Variants in CA12 observed in about 807,000 individuals in gnomAD.
CA12 encodes the protein carbonic anhydrase 12.
CA12 carries 36 observed loss-of-function variants against 46.8 expected under a neutral mutation model. The observed-to-expected ratio is 0.77, with a 90% confidence interval of 0.59 to 1.02. The LOEUF is 1.02. Ranked by LOEUF, CA12 falls within the 50% of genes least tolerant of loss-of-function variation. The pLI, the probability that CA12 is intolerant of heterozygous loss-of-function variation, is 0.00. For synonymous variants in CA12, 202 were observed against 187.0 expected, an observed-to-expected ratio of 1.08 and a Z score of -0.65; for missense variants, 436 against 451.4, an observed-to-expected ratio of 0.97 and a Z score of 0.31.
At chr15:63,335,934 T>C (rs544008726) in intron 8 of CA12, among the ~76,000 whole-genome samples, 17 of 152,324 alleles carry the variant, frequency 1.1e-4, no homozygotes, top group Admixed American at 4.6e-4. Context: ...GCCTCCTCAT[T>C]GCTCCTTGGG....
chr15:63,353,633 G>A (rs916276453), intron 2 of CA12, among the ~76,000 whole-genome samples: 6 of 152,178 alleles, frequency 3.9e-5, no homozygotes, highest in Admixed American at 2.0e-4. Flanking sequence ...TAAGCCACAG[G>A]ACTCAGAGGG....
rs186611808 is a variant in CA12, at chr15:63,324,924, C to G, written c.*1361G>C. On this transcript the variant is annotated 3_prime_UTR_variant, in exon 11 of 11. Transcript: ENST00000178638. ...GAATCAGAAAGTTCTCGGGGAACTG[C>G]AAGGTGCTCTCAACTAGGGGTCGGT... 1.3e-5 allele frequency: 2 copies of G among 152,242 alleles called. No homozygotes were observed. Among genetic ancestry groups the G allele is most frequent in the Non-Finnish European group, 2.9e-5 (2 of 68,022 alleles). 9.4% of individuals were successfully genotyped at this position (152,242 alleles called of 1,614,324 possible).
intron 2 of CA12, among the ~76,000 whole-genome samples, chr15:63,350,210 G>A (rs1241692725): frequency 6.6e-6 from 1 of 152,164 alleles, no homozygotes; most frequent in Non-Finnish European, 1.5e-5. Context: ...AGAGATAGAG[G>A]TGCCATGAGG....
chr15:63,327,015 G>C lies in CA12; in HGVS notation c.992+134C>G, dbSNP rs987748063. 1.3e-6 allele frequency: 1 copy of C among 763,216 alleles called. No homozygotes were observed. The highest frequency in any genetic ancestry group is 2.3e-6 in the Non-Finnish European group (1 of 435,596). The allele number at this position is 763,216 out of a possible 1,614,324, so 47.3% of individuals were successfully genotyped here. The stretch of plus-strand genomic sequence containing the variant: ...AAGGAGGCCAGGGCACGGGTGCTTT[G>C]GGGACGGCCCTCCTAGGGTAAGTGG... On this transcript the variant is annotated intron_variant, in intron 10 of 10. Transcript: ENST00000178638. The surrounding 1 kb of genome is among the most constrained non-coding windows in gnomAD (Gnocchi z 4.5).
At position 63,374,006 on chromosome 15, in the gene CA12, A is replaced by G. The variant is rs1403985168; in HGVS notation, c.106+1652T>C. On this transcript the variant is annotated intron_variant, in intron 2 of 10. Transcript: ENST00000178638. The surrounding 1 kb of genome is among the most constrained non-coding windows in gnomAD (Gnocchi z 4.4). ...TGTAAACTGGATGTGAAGACACGGA[A>G]CGGGGTTTCTCCACAGGCCAAACAC... 1.3e-5 allele frequency among the ~76,000 whole-genome samples: 2 copies of G among 152,122 alleles called. No homozygotes were observed. Among genetic ancestry groups the G allele is most frequent in the Non-Finnish European group, 2.9e-5 (2 of 68,016 alleles).
chr15:63,337,929 A>G (rs1200762025), intron 8 of CA12, among the ~76,000 whole-genome samples: 1 of 152,118 alleles, frequency 6.6e-6, no homozygotes, highest in Non-Finnish European at 1.5e-5. Flanking sequence ...ATGAAATGGA[A>G]CTGCACAGAC....
intron 2 of CA12, among the ~76,000 whole-genome samples, chr15:63,370,742 C>T (rs1047915895): frequency 6.7e-6 from 1 of 149,836 alleles, no homozygotes. Context: ...CACTGCACTC[C>T]AGTCTGGGTG....
intron 1 of CA12, among the ~76,000 whole-genome samples, chr15:63,376,422 A>C (rs2039571075): frequency 6.6e-6 from 1 of 152,140 alleles, no homozygotes; most frequent in Non-Finnish European, 1.5e-5. Context: ...GCATGGCTAC[A>C]CACACATATG....
chr15:63,344,622 A>C (rs996234430), intron 4 of CA12, among the ~76,000 whole-genome samples: 1 of 152,216 alleles, frequency 6.6e-6, no homozygotes, highest in Non-Finnish European at 1.5e-5. Context: ...AGTCTGAAAC[A>C]TTAAGCAGTT....
intron 8 of CA12, among the ~76,000 whole-genome samples, chr15:63,336,257 G>A (rs1048616991): frequency 3.9e-5 from 6 of 152,176 alleles, no homozygotes; most frequent in African/African-American, 4.8e-5. Context: ...CTACTGAAGC[G>A]CTTGGCTAAA....
chr15:63,334,171 G>A (rs904661004), intron 8 of CA12, among the ~76,000 whole-genome samples: 2 of 150,416 alleles, frequency 1.3e-5, no homozygotes, highest in African/African-American at 4.9e-5. Flanking sequence ...CCCCTCCCAG[G>A]GGCCCACCTT....
In CA12 at chr15:63,345,332, C is replaced by T. The variant is rs2039131543; in HGVS notation, c.429+145G>A. On this transcript the variant is annotated intron_variant, in intron 4 of 10. Transcript: ENST00000178638. This position sits in a 1 kb window ranked among gnomAD's most constrained non-coding sequence, Gnocchi z 4.3. ...CTACAGGCTAGTGGAGTGGCTGCGC[C>T]CCTTGTGCCAGGGCCAGAGGTGGGG... 7 of 972,166 alleles carry T rather than the reference C, an allele frequency of 7.2e-6. No homozygotes were observed. The highest frequency in any genetic ancestry group is 4.1e-5 in the Admixed American group (2 of 49,382). 60.2% of individuals were successfully genotyped at this position (972,166 alleles called of 1,614,324 possible). A position where few individuals can be genotyped will look rare whatever the true frequency, so the allele number is the denominator to read the frequency against.
intron 2 of CA12, among the ~76,000 whole-genome samples, chr15:63,353,041 T>C (rs1270510108): frequency 6.6e-6 from 1 of 152,178 alleles, no homozygotes; most frequent in Non-Finnish European, 1.5e-5. Flanking sequence ...TCAGGCACTG[T>C]ACTAGGTGCT....
In CA12 at chr15:63,346,583, C is replaced by A. The variant is rs1479958648; in HGVS notation, c.233G>T (p.Gly78Val). The change falls in exon 3 of 11, where the codon GGC (glycine) becomes GTC (valine). Residue 78 changes from glycine (G) to valine (V), a missense_variant. By Grantham distance (109) the Gly-to-Val change is moderately radical (BLOSUM62 -3). Transcript: ENST00000178638. ...CTGCTTGTTGGCAGACAGATTGTAGCCTTGGAACTCGAGGGGCGTGAGGCT... is the reference window on the plus strand; with the variant it reads ...CTGCTTGTTGGCAGACAGATTGTAGACTTGGAACTCGAGGGGCGTGAGGCT... ...DASLTPLEFQ[G>V]YNLSANKQFL... 2 of 1,614,078 alleles carry A rather than the reference C, an allele frequency of 1.2e-6. No individual in the cohort carries two copies.
intron 2 of CA12, among the ~76,000 whole-genome samples, chr15:63,367,924 G>A (rs918096819): frequency 4.6e-5 from 7 of 152,112 alleles, no homozygotes; most frequent in South Asian, 2.1e-4. Context: ...AAAAGTATAC[G>A]TGAACTGTGA....
At chr15:63,334,518 A>G (rs932657185) in intron 8 of CA12, among the ~76,000 whole-genome samples, 2 of 151,832 alleles carry the variant, frequency 1.3e-5, no homozygotes, top group African/African-American at 2.4e-5. Context: ...TGGCCTCCCA[A>G]AATGCTGGGA....
chr15:63,340,829 G>A lies in CA12; in HGVS notation c.526-46C>T, dbSNP rs757427796. On this transcript the variant is annotated intron_variant, in intron 5 of 10. Coordinates refer to ENST00000178638, the MANE Select transcript of CA12 (RefSeq NM_001218.5). This position sits in a 1 kb window ranked among gnomAD's most constrained non-coding sequence, Gnocchi z 4.4. ...GTTAAACTGGGACAGAACAGGATAG[G>A]CTGAGCCAGGATTGACGATTGCTAT... 1 of 1,553,802 alleles carries A rather than the reference G, an allele frequency of 6.4e-7. No homozygotes were observed. Among genetic ancestry groups the A allele is most frequent in the African/African-American group, 1.4e-5 (1 of 73,844 alleles).
rs2039064836 is a variant in CA12, at chr15:63,340,510, A to G, written c.590-65T>C. 1 of 1,595,350 alleles carries G rather than the reference A, an allele frequency of 6.3e-7. No individual in the cohort carries two copies. The highest frequency in any genetic ancestry group is 1.1e-5 in the South Asian group (1 of 90,612). ...CTCCGTAGGGCATAAGTGCAGCTGAACAGAGCGACTGAGCCTAGAAACATG... is the reference window on the plus strand; with the variant it reads ...CTCCGTAGGGCATAAGTGCAGCTGAGCAGAGCGACTGAGCCTAGAAACATG... On this transcript the variant is annotated intron_variant, in intron 6 of 10. Transcript: ENST00000178638. The surrounding 1 kb of genome is among the most constrained non-coding windows in gnomAD (Gnocchi z 4.4).
chr15:63,376,168 C>T (rs1418852327), intron 1 of CA12, among the ~76,000 whole-genome samples: 2 of 152,196 alleles, frequency 1.3e-5, no homozygotes, highest in Non-Finnish European at 2.9e-5. Context: ...AACTGTGCTC[C>T]AGTCAGCAGC....
Sources: allele counts gnomAD v4.1 joint callset (sites outside exome capture counted in the v4.1 genomes callset), GRCh38; gene constraint gnomAD v4.1.1; non-coding constraint Gnocchi (gnomAD v3.1); transcripts MANE v1.5; gene names NCBI Gene and HGNC (gene_info 2026-07-23, HGNC 2026-07-21).